The following JAKMIP2 variants were observed in gnomAD, a reference collection of about 807,000 sequenced individuals.
The protein encoded by JAKMIP2 is janus kinase and microtubule interacting protein 2, also known as janus kinase and microtubule-interacting protein 2.
Under a neutral mutation model 115.0 loss-of-function variants are expected in JAKMIP2, and 25 were observed. The ratio of observed to expected loss-of-function variants is 0.22; its 90% CI spans 0.16 to 0.30. The LOEUF (loss-of-function observed/expected upper bound fraction) is 0.30. JAKMIP2 is among the 10% of genes least tolerant of loss of function. The pLI, the probability that JAKMIP2 is intolerant of heterozygous loss-of-function variation, is 1.00. For synonymous variants in JAKMIP2, 334 were observed against 343.6 expected (o/e 0.97, Z 0.31); for missense variants, 642 against 957.6 (o/e 0.67, Z 4.35).
At chr5:147,601,340 C>A (rs1477684911) in intron 21 of JAKMIP2, among the ~76,000 whole-genome samples, 6 of 152,062 alleles carry the variant, frequency 3.9e-5, no homozygotes, top group Non-Finnish European at 8.8e-5. Flanking sequence ...ATGGCTTGGT[C>A]AACACTTTGG....
chr5:147,778,591 T>A (rs1207474833), intron 1 of JAKMIP2, among the ~76,000 whole-genome samples: 1 of 152,118 alleles, frequency 6.6e-6, no homozygotes, highest in Non-Finnish European at 1.5e-5. Context: ...TCCCTGAATC[T>A]GTTTCCACTT....
At chr5:147,694,205 C>A (rs1000101348) in intron 1 of JAKMIP2, among the ~76,000 whole-genome samples, 1 of 147,904 alleles carries the variant, frequency 6.8e-6, no homozygotes, top group Non-Finnish European at 1.5e-5. Context: ...ACTGCCTACA[C>A]TGGGAAGATT....
At chr5:147,691,406 G>A (rs1002101313) in intron 1 of JAKMIP2, among the ~76,000 whole-genome samples, 2 of 152,082 alleles carry the variant, frequency 1.3e-5, no homozygotes, top group Non-Finnish European at 2.9e-5. Context: ...ACTATGCTAG[G>A]CTTAAAAGGC....
At chr5:147,766,406 A>G (rs1755159719) in intron 1 of JAKMIP2, among the ~76,000 whole-genome samples, 1 of 152,196 alleles carries the variant, frequency 6.6e-6, no homozygotes, top group African/African-American at 2.4e-5. Flanking sequence ...TTAACAATTA[A>G]CAAAACAAAA....
intron 1 of JAKMIP2, among the ~76,000 whole-genome samples, chr5:147,709,461 T>C (rs1752700120): frequency 6.6e-6 from 1 of 152,198 alleles, no homozygotes; most frequent in African/African-American, 2.4e-5. Context: ...TACTGATGTA[T>C]ACAGTATATG....
intron 1 of JAKMIP2, among the ~76,000 whole-genome samples, chr5:147,779,929 T>C (rs1755696461): frequency 6.6e-6 from 1 of 152,166 alleles, no homozygotes; most frequent in African/African-American, 2.4e-5. Context: ...TATGAGGAAC[T>C]TCTACATTTG....
In JAKMIP2 at chr5:147,632,740, T is replaced by C. The variant is rs3763095; in HGVS notation, c.1716A>G (p.Gln572=). The change falls in exon 13 of 22, where the codon CAA becomes CAG. Residue 572 remains glutamine, a synonymous_variant. Coordinates refer to ENST00000616793, the MANE Select transcript of JAKMIP2 (RefSeq NM_001270941.2). ...KQEAENHRLQ[Q]ELQDARDQNE... ...TCTGGTCTCTGGCGTCCTGTAGTTC[T>C]TGTTGTAACCGGTGATTTTCTGCCT... 0.016 allele frequency: 26,015 copies of C among 1,613,364 alleles called. 1,940 individuals are homozygous for C. The African/African-American group carries it at 0.19, about 12-fold the overall frequency.
At position 147,591,110 on chromosome 5, in the gene JAKMIP2, G is replaced by A. The variant is rs566152247; in HGVS notation, c.*597C>T. Reference sequence around the variant, plus strand: ...TTCCTGAGTTTAAAACAATCATAAAGACAGAAAAGCAAATCCCTGTAGTAA... The same window carrying A: ...TTCCTGAGTTTAAAACAATCATAAAAACAGAAAAGCAAATCCCTGTAGTAA... On this transcript the variant is annotated 3_prime_UTR_variant, in exon 22 of 22. Coordinates refer to ENST00000616793, the MANE Select transcript of JAKMIP2 (RefSeq NM_001270941.2). 1 of 152,694 alleles carries A rather than the reference G, an allele frequency of 6.5e-6. No individual in the cohort carries two copies. The highest frequency in any genetic ancestry group is 1.5e-5 in the Non-Finnish European group (1 of 68,118). 9.5% of individuals were successfully genotyped at this position (152,694 alleles called of 1,614,324 possible).
intron 9 of JAKMIP2, among the ~76,000 whole-genome samples, chr5:147,640,070 T>A (rs1757809445): frequency 6.6e-6 from 1 of 152,198 alleles, no homozygotes; most frequent in South Asian, 2.1e-4. Context: ...AAAAGTCATA[T>A]CCAGATTTTG....
At chr5:147,598,461 A>ATCTATCT (rs1310255960) in intron 21 of JAKMIP2, among the ~76,000 whole-genome samples, 18 of 26,686 alleles carry the variant, frequency 6.7e-4, no homozygotes, top group African/African-American at 1.7e-3. Flanking sequence ...TCTATCTATC[A>ATCTATCT]TCTATCTATG....
chr5:147,641,340 G>T (rs908156647), intron 8 of JAKMIP2, among the ~76,000 whole-genome samples: 1 of 152,208 alleles, frequency 6.6e-6, no homozygotes, highest in Admixed American at 6.5e-5. Context: ...CTATCAATAA[G>T]ATTGTCTGAA....
At chr5:147,678,128 T>A (rs186861223) in intron 1 of JAKMIP2, among the ~76,000 whole-genome samples, 1 of 152,086 alleles carries the variant, frequency 6.6e-6, no homozygotes, top group Non-Finnish European at 1.5e-5. Context: ...CTCAGCCTCC[T>A]GAGTAGCTGG....
intron 1 of JAKMIP2, among the ~76,000 whole-genome samples, chr5:147,767,363 C>G (rs1437122655): frequency 6.6e-6 from 1 of 152,114 alleles, no homozygotes; most frequent in East Asian, 1.9e-4. Flanking sequence ...TGTAGAGAAT[C>G]CATCTCAACA....
chr5:147,761,751 C>T (rs984563915), intron 1 of JAKMIP2, among the ~76,000 whole-genome samples: 2 of 151,926 alleles, frequency 1.3e-5, no homozygotes, highest in Non-Finnish European at 2.9e-5. Context: ...TTACATGTTT[C>T]ATCACTCAAA....
chr5:147,651,084 GGGA>G (rs144641990), intron 3 of JAKMIP2, among the ~76,000 whole-genome samples: 11,640 of 152,150 alleles, frequency 0.077, 562 homozygotes, highest in Middle Eastern at 0.17. Flanking sequence ...TGGATTTGGA[GGGA>G]GGTCCTTCCA....
At chr5:147,661,653 C>T in intron 2 of JAKMIP2, 1 of 556,992 alleles carries the variant, frequency 1.8e-6, no homozygotes, top group Non-Finnish European at 3.2e-6. Flanking sequence ...ATTTATATTA[C>T]TTTGTTCAGA....
intron 1 of JAKMIP2, among the ~76,000 whole-genome samples, chr5:147,768,141 AT>A: frequency 6.6e-6 from 1 of 152,078 alleles, no homozygotes. Context: ...ATGTGCCTTG[AT>A]TGATGTTCTT....
chr5:147,641,773 C>T lies in JAKMIP2; in HGVS notation c.1225-9G>A, dbSNP rs1274763916. The T allele has an allele frequency of 6.2e-7, 1 of 1,611,042 alleles. No homozygotes were observed. Among genetic ancestry groups the T allele is most frequent in the East Asian group, 2.2e-5 (1 of 44,814 alleles). ...ATGAGCTTTTCTCGGTCCTGGAAAACAGATGAAAGATTTTCAGATCCAGAA... is the reference window on the plus strand; with the variant it reads ...ATGAGCTTTTCTCGGTCCTGGAAAATAGATGAAAGATTTTCAGATCCAGAA... On this transcript the variant is annotated splice_polypyrimidine_tract_variant and intron_variant, in intron 7 of 21. Coordinates refer to ENST00000616793, the MANE Select transcript of JAKMIP2 (RefSeq NM_001270941.2).
At chr5:147,680,295 G>T (rs1760191105) in intron 1 of JAKMIP2, among the ~76,000 whole-genome samples, 1 of 152,186 alleles carries the variant, frequency 6.6e-6, no homozygotes, top group African/African-American at 2.4e-5. Context: ...AGAGATCCCT[G>T]AAGAGACTAA....
Sources: gnomAD v4.1 joint callset for allele counts (sites outside exome capture counted in the v4.1 genomes callset) on GRCh38, gnomAD v4.1.1 for gene constraint, MANE v1.5 for transcripts, NCBI Gene and HGNC (gene_info 2026-07-23, HGNC 2026-07-21) for gene names.